The following PCDH7 variants were observed in gnomAD, a reference collection of about 807,000 sequenced individuals.
PCDH7 encodes protocadherin 7, also known as protocadherin-7.
Under a neutral mutation model 58.9 loss-of-function variants are expected in PCDH7, and 17 were observed. That is an observed-to-expected ratio of 0.29 (90% CI 0.20 to 0.43). The LOEUF (loss-of-function observed/expected upper bound fraction) is 0.43, where lower values mean the gene tolerates loss of function less well. Among genes scored for constraint, PCDH7 ranks in the 20% least tolerant of loss-of-function variants. The pLI is 1.00. For missense variants in PCDH7, 1,274 were observed against 1,441.0 expected (o/e 0.88, Z 1.88); for synonymous variants, 664 against 616.4 (o/e 1.08, Z -1.14).
At chr4:30,857,996 A>G (rs946532660) in intron 1 of PCDH7, among the ~76,000 whole-genome samples, 6 of 152,324 alleles carry the variant, frequency 3.9e-5, no homozygotes, top group African/African-American at 1.2e-4. Flanking sequence ...AAGAATAAAA[A>G]TAAGCAGAAA....
chr4:30,720,746 C>T lies in PCDH7; in HGVS notation c.-677C>T, dbSNP rs1046154411. The T allele has an allele frequency of 6.6e-6, 1 of 152,572 alleles. No individual in the cohort carries two copies. Among genetic ancestry groups the T allele is most frequent in the Non-Finnish European group, 1.5e-5 (1 of 68,388 alleles). The allele number at this position is 152,572 out of a possible 1,614,324, so 9.5% of individuals were successfully genotyped here. A position where few individuals can be genotyped will look rare whatever the true frequency, so the allele number is the denominator to read the frequency against. On this transcript the variant is annotated 5_prime_UTR_variant, in exon 1 of 2. Transcript: ENST00000361762. This position sits in a 1 kb window ranked among gnomAD's most constrained non-coding sequence, Gnocchi z 4.7. The stretch of plus-strand genomic sequence containing the variant: ...GACGTGCCGGGGGATTTTTCATTCT[C>T]GATCTGTTGACTGGCTCCCCCGCTG...
At chr4:30,726,976 T>G (rs1714698257) in intron 1 of PCDH7, among the ~76,000 whole-genome samples, 1 of 151,930 alleles carries the variant, frequency 6.6e-6, no homozygotes, top group Admixed American at 6.6e-5. Context: ...TATATGACCT[T>G]TAATTTTTAC....
At chr4:30,862,334 G>C (rs1734310392) in intron 1 of PCDH7, among the ~76,000 whole-genome samples, 1 of 152,144 alleles carries the variant, frequency 6.6e-6, no homozygotes, top group Non-Finnish European at 1.5e-5. Flanking sequence ...TTCCTTTACA[G>C]GAAGCAGAAT....
intron 3 of PCDH7, among the ~76,000 whole-genome samples, chr4:31,119,297 A>T (rs922313644): frequency 1.3e-4 from 20 of 152,154 alleles, no homozygotes; most frequent in African/African-American, 4.8e-4. Context: ...CTAACACAGC[A>T]TCTAATTAAT....
chr4:31,140,168 A>T (rs2109346687), intron 3 of PCDH7, among the ~76,000 whole-genome samples: 1 of 152,314 alleles, frequency 6.6e-6, no homozygotes, highest in Middle Eastern at 3.4e-3. Flanking sequence ...GTTAAAAAGT[A>T]AGAAGACTTG....
In PCDH7 at chr4:31,108,470, T is replaced by C. The variant is rs1312173996; in HGVS notation, c.*8-34003T>C. On this transcript the variant is annotated intron_variant, in intron 3 of 3. Coordinates refer to the PCDH7 transcript ENST00000509759. ...AAACGAGTGCCAAAAGATTGAATAA[T>C]CTTTTTAACTAAGTTAACTGCTAAT... 8.7e-5 allele frequency among the ~76,000 whole-genome samples: 13 copies of C among 149,390 alleles called. No homozygotes were observed. The East Asian group carries it at 2.5e-3, about 29-fold the overall frequency.
At chr4:31,071,884 T>G (rs1758569102) in intron 3 of PCDH7, among the ~76,000 whole-genome samples, 1 of 152,122 alleles carries the variant, frequency 6.6e-6, no homozygotes, top group Non-Finnish European at 1.5e-5. Context: ...CTTTTCTGGT[T>G]ATTCTGAAGG....
intron 3 of PCDH7, among the ~76,000 whole-genome samples, chr4:31,039,879 C>T (rs73216796): frequency 6.6e-4 from 101 of 152,022 alleles, no homozygotes; most frequent in Middle Eastern, 3.4e-3. Context: ...TAATTAATAC[C>T]AAGCCAATAG....
At chr4:30,755,236 C>T (rs754575057) in intron 1 of PCDH7, among the ~76,000 whole-genome samples, 13 of 152,164 alleles carry the variant, frequency 8.5e-5, no homozygotes, top group Non-Finnish European at 1.9e-4. Flanking sequence ...ATTTAAACAA[C>T]TCAAGTGTTT....
intron 1 of PCDH7, among the ~76,000 whole-genome samples, chr4:30,750,333 T>G (rs932522103): frequency 1.3e-5 from 2 of 152,204 alleles, no homozygotes; most frequent in African/African-American, 4.8e-5. Context: ...AACCTTGCTA[T>G]AAGTCAGAGG....
chr4:31,010,032 AAC>A (rs1753055294), intron 3 of PCDH7, among the ~76,000 whole-genome samples: 1 of 152,046 alleles, frequency 6.6e-6, no homozygotes, highest in Non-Finnish European at 1.5e-5. Flanking sequence ...ATAAGATTTC[AAC>A]AGTTTTTTAT....
At chr4:30,936,962 C>CACACACACACACACAGACAT (rs1745416416) in intron 2 of PCDH7, among the ~76,000 whole-genome samples, 1 of 149,884 alleles carries the variant, frequency 6.7e-6, no homozygotes, top group Admixed American at 6.7e-5. Context: ...TCATTCAGAA[C>CACACACACACACACAGACAT]ACACACACAC....
intron 3 of PCDH7, among the ~76,000 whole-genome samples, chr4:31,078,733 T>A (rs73812515): frequency 0.09 from 13,377 of 149,010 alleles, 696 homozygotes; most frequent in South Asian, 0.19. Context: ...GTTTGGAATA[T>A]TACAAGTCCA....
At chr4:30,764,999 G>A (rs1273084874) in intron 1 of PCDH7, among the ~76,000 whole-genome samples, 3 of 151,962 alleles carry the variant, frequency 2.0e-5, no homozygotes, top group Admixed American at 1.3e-4. Flanking sequence ...GATTACAGAC[G>A]TGAGCCACCG....
intron 3 of PCDH7, among the ~76,000 whole-genome samples, chr4:31,060,120 C>T (rs1757565450): frequency 6.6e-6 from 1 of 151,600 alleles, no homozygotes; most frequent in African/African-American, 2.4e-5. Flanking sequence ...TGGCTAAATC[C>T]CATAAAGTAT....
chr4:30,877,038 A>G (rs1736377925), intron 1 of PCDH7, among the ~76,000 whole-genome samples: 1 of 152,004 alleles, frequency 6.6e-6, no homozygotes, highest in African/African-American at 2.4e-5. Context: ...TCTTGTTTTC[A>G]ATTTTTTTCC....
At chr4:30,873,741 T>G (rs1415247092) in intron 1 of PCDH7, among the ~76,000 whole-genome samples, 1 of 152,090 alleles carries the variant, frequency 6.6e-6, no homozygotes, top group Admixed American at 6.6e-5. Context: ...ATGTTCGTAA[T>G]GCAAATACCA....
At chr4:31,087,419 G>A (rs190014465) in intron 3 of PCDH7, among the ~76,000 whole-genome samples, 18 of 152,150 alleles carry the variant, frequency 1.2e-4, no homozygotes, top group Middle Eastern at 3.4e-3. Flanking sequence ...AATGCTATGC[G>A]TTTATATTTG....
At chr4:31,135,218 C>T (rs977759998) in intron 3 of PCDH7, among the ~76,000 whole-genome samples, 2 of 152,194 alleles carry the variant, frequency 1.3e-5, no homozygotes, top group African/African-American at 4.8e-5. Flanking sequence ...AGCTGCTCCT[C>T]GTGCTGCCCA....
Sources: allele counts gnomAD v4.1 joint callset (sites outside exome capture counted in the v4.1 genomes callset), GRCh38; gene constraint gnomAD v4.1.1; non-coding constraint Gnocchi (gnomAD v3.1); transcripts MANE v1.5; gene names NCBI Gene and HGNC (gene_info 2026-07-23, HGNC 2026-07-21).